The following CTNNA2 variants were observed in gnomAD, a reference collection of about 807,000 sequenced individuals.
The protein encoded by CTNNA2 is catenin alpha-2.
Under a neutral mutation model 101.0 loss-of-function variants are expected in CTNNA2, and 42 were observed. That is an observed-to-expected ratio of 0.42 (90% CI 0.32 to 0.54). The LOEUF (loss-of-function observed/expected upper bound fraction) is 0.54. CTNNA2 is among the 20% of genes least tolerant of loss of function. The probability of loss-of-function intolerance (pLI) is 0.14; values close to 1 mark genes in which losing one functional copy is unlikely to be tolerated. For synonymous variants in CTNNA2, 450 were observed against 456.4 expected (o/e 0.99, Z 0.18); for missense variants, 871 against 1,223.1 (o/e 0.71, Z 4.29).
At chr2:79,928,247 A>G (rs570931711) in intron 7 of CTNNA2, among the ~76,000 whole-genome samples, 1 of 152,208 alleles carries the variant, frequency 6.6e-6, no homozygotes, top group Admixed American at 6.5e-5. Context: ...TCTCTGTCCT[A>G]TGGCAGCTGT....
At chr2:79,555,844 T>C (rs1427484522) in intron 1 of CTNNA2, among the ~76,000 whole-genome samples, 1 of 152,118 alleles carries the variant, frequency 6.6e-6, no homozygotes, top group Non-Finnish European at 1.5e-5. Context: ...GCTGAGTAAG[T>C]AAACAAATGT....
chr2:79,472,148 G>A (rs867662344), intron 4 of CTNNA2, among the ~76,000 whole-genome samples: 33 of 152,176 alleles, frequency 2.2e-4, no homozygotes, highest in African/African-American at 8.0e-4. Flanking sequence ...CAAGCAAAGC[G>A]TAGACATTCC....
At chr2:79,765,850 C>A (rs1262237095) in intron 3 of CTNNA2, among the ~76,000 whole-genome samples, 1 of 152,170 alleles carries the variant, frequency 6.6e-6, no homozygotes, top group African/African-American at 2.4e-5. Context: ...ATGTTACTTG[C>A]GTACTCCCTC....
intron 7 of CTNNA2, among the ~76,000 whole-genome samples, chr2:79,993,685 A>G (rs1692339997): frequency 6.6e-6 from 1 of 152,124 alleles, no homozygotes; most frequent in Non-Finnish European, 1.5e-5. Flanking sequence ...AGGGTGTTCC[A>G]GTTACTGGGG....
At chr2:79,382,907 C>T (rs957501937) in intron 4 of CTNNA2, among the ~76,000 whole-genome samples, 7 of 152,212 alleles carry the variant, frequency 4.6e-5, no homozygotes, top group African/African-American at 1.7e-4. Context: ...AGCCACCACG[C>T]CCAGCCATAA....
chr2:79,736,638 C>G (rs1221983206), intron 2 of CTNNA2, among the ~76,000 whole-genome samples: 1 of 152,074 alleles, frequency 6.6e-6, no homozygotes, highest in Non-Finnish European at 1.5e-5. Context: ...AAATGTCTTG[C>G]TTTGGAATTT....
chr2:80,560,942 TTG>T lies in CTNNA2; in HGVS notation c.1741+5051_1741+5052del, dbSNP rs1463781559. ...ATACCAAAAATGAGAACTTTACACT[TTG>T]TCTTTTTTTTCTGTAGAAAATATGT... On this transcript the variant is annotated intron_variant, in intron 12 of 18. Transcript: ENST00000402739. 3.3e-5 allele frequency among the ~76,000 whole-genome samples: 5 copies of T among 152,028 alleles called. No individual in the cohort carries two copies. The South Asian group carries it at 8.3e-4, about 25-fold the overall frequency.
chr2:79,254,995 C>G (rs934707450), intron 2 of CTNNA2, among the ~76,000 whole-genome samples: 19 of 152,062 alleles, frequency 1.2e-4, no homozygotes, highest in African/African-American at 4.6e-4. Context: ...GCAGAATCAC[C>G]CTGGTGGATC....
intron 9 of CTNNA2, among the ~76,000 whole-genome samples, chr2:80,488,063 GCAA>G (rs1389931336): frequency 6.6e-6 from 1 of 152,148 alleles, no homozygotes; most frequent in East Asian, 1.9e-4. Flanking sequence ...AATGGCTAAA[GCAA>G]GTATTTGGAA....
chr2:79,401,756 C>A (rs1678292637), intron 4 of CTNNA2, among the ~76,000 whole-genome samples: 1 of 151,356 alleles, frequency 6.6e-6, no homozygotes, highest in African/African-American at 2.4e-5. Context: ...AATGACTACC[C>A]TATCCATAAT....
At chr2:80,398,160 A>G (rs540437447) in intron 8 of CTNNA2, among the ~76,000 whole-genome samples, 1 of 152,332 alleles carries the variant, frequency 6.6e-6, no homozygotes, top group East Asian at 1.9e-4. Context: ...CTGGCCTCTC[A>G]AAACATGAAT....
At chr2:80,056,076 C>A (rs1194460533) in intron 7 of CTNNA2, among the ~76,000 whole-genome samples, 1 of 152,204 alleles carries the variant, frequency 6.6e-6, no homozygotes, top group African/African-American at 2.4e-5. Flanking sequence ...TGGGTCACAG[C>A]TGCTATGAGT....
At chr2:80,558,160 A>G (rs1046141845) in intron 12 of CTNNA2, among the ~76,000 whole-genome samples, 2 of 152,214 alleles carry the variant, frequency 1.3e-5, no homozygotes, top group African/African-American at 4.8e-5. Context: ...AATAAGTGTC[A>G]AGGAAAAGTG....
chr2:79,532,320 G>T (rs1029129521), intron 1 of CTNNA2, among the ~76,000 whole-genome samples: 2 of 152,174 alleles, frequency 1.3e-5, no homozygotes, highest in Non-Finnish European at 1.5e-5. Context: ...AATAAGCTTT[G>T]TGACGACTCT....
intron 7 of CTNNA2, among the ~76,000 whole-genome samples, chr2:80,065,641 C>T (rs528701695): frequency 3.3e-5 from 5 of 152,218 alleles, no homozygotes; most frequent in South Asian, 4.2e-4. Flanking sequence ...CATGAGCCAC[C>T]GCACCTGGCC....
chr2:79,909,044 G>A (rs1035723505), intron 6 of CTNNA2, among the ~76,000 whole-genome samples: 1 of 152,190 alleles, frequency 6.6e-6, no homozygotes, highest in Non-Finnish European at 1.5e-5. Context: ...ACACACATTA[G>A]GAATCCTTTT....
intron 7 of CTNNA2, among the ~76,000 whole-genome samples, chr2:80,327,514 A>T (rs1316372811): frequency 6.8e-6 from 1 of 147,736 alleles, no homozygotes; most frequent in African/African-American, 2.6e-5. Flanking sequence ...TAACAGTAAC[A>T]TACCTCTTAT....
intron 7 of CTNNA2, among the ~76,000 whole-genome samples, chr2:80,046,446 G>T (rs552813175): frequency 6.6e-6 from 1 of 152,016 alleles, no homozygotes; most frequent in Non-Finnish European, 1.5e-5. Context: ...AGAGGACAAA[G>T]GTAAGTATCC....
intron 16 of CTNNA2, among the ~76,000 whole-genome samples, chr2:80,607,685 AT>A (rs201948150): frequency 9.9e-5 from 15 of 151,900 alleles, no homozygotes; most frequent in African/African-American, 3.4e-4. Context: ...AGTGTAATAG[AT>A]TTTTTATAAG....
Sources: gnomAD v4.1 joint callset for allele counts (sites outside exome capture counted in the v4.1 genomes callset) on GRCh38, gnomAD v4.1.1 for gene constraint, MANE v1.5 for transcripts, NCBI Gene and HGNC (gene_info 2026-07-23, HGNC 2026-07-21) for gene names.